DSCAM: variants seen among roughly 807,000 people sequenced by gnomAD.
DSCAM encodes cell adhesion molecule DSCAM.
DSCAM carries 47 observed loss-of-function variants against 217.7 expected under a neutral mutation model. That is an observed-to-expected ratio of 0.22 (90% CI 0.17 to 0.28). The LOEUF is 0.28. DSCAM is among the 10% of genes least tolerant of loss of function. DSCAM has a pLI of 1.00. For missense variants in DSCAM, 2,080 were observed against 2,618.3 expected (o/e 0.79, Z 4.49); for synonymous variants, 1,056 against 1,015.3 (o/e 1.04, Z -0.76).
In DSCAM at chr21:40,016,808, C is replaced by G. The variant is rs540407732; in HGVS notation, c.5687-3422G>C. Among the ~76,000 whole-genome samples, 2 of 152,274 alleles carry G rather than the reference C, an allele frequency of 1.3e-5. No homozygotes were observed. Among genetic ancestry groups the G allele is most frequent in the East Asian group, 3.9e-4 (2 of 5,184 alleles). On this transcript the variant is annotated intron_variant, in intron 32 of 32. Transcript: ENST00000400454. The surrounding 1 kb of genome is among the most constrained non-coding windows in gnomAD (Gnocchi z 4.3). ...AGTTTACCCACAGAAAAAGAACAAC[C>G]AGCATAACAGAAGGAAAGGACTATT... is the stretch of plus-strand genomic sequence containing the variant.
At chr21:40,175,809 G>GCA (rs796339226) in intron 15 of DSCAM, among the ~76,000 whole-genome samples, 22,526 of 80,464 alleles carry the variant, frequency 0.28, 2,298 homozygotes, top group East Asian at 0.43. Context: ...ACACACACAC[G>GCA]CACACACACA....
chr21:40,792,129 T>C (rs752813514), intron 1 of DSCAM, among the ~76,000 whole-genome samples: 266 of 82,032 alleles, frequency 3.2e-3, no homozygotes, highest in Non-Finnish European at 5.8e-3. Flanking sequence ...TAATCTCTTC[T>C]TCTTCTTCTT....
intron 10 of DSCAM, among the ~76,000 whole-genome samples, chr21:40,283,100 G>A (rs919073956): frequency 6.6e-6 from 1 of 152,176 alleles, no homozygotes; most frequent in African/African-American, 2.4e-5. Flanking sequence ...AGTTCCAAGG[G>A]CTAGCATTTG....
chr21:40,787,275 A>G (rs914137396), intron 1 of DSCAM, among the ~76,000 whole-genome samples: 7 of 152,192 alleles, frequency 4.6e-5, no homozygotes, highest in Non-Finnish European at 1.0e-4. Context: ...CCCAGACCTG[A>G]GATATCAATT....
At chr21:40,588,869 A>G (rs1295583343) in intron 3 of DSCAM, among the ~76,000 whole-genome samples, 1 of 152,230 alleles carries the variant, frequency 6.6e-6, no homozygotes, top group African/African-American at 2.4e-5. Context: ...ATTCTCATTG[A>G]AAAGAAAATG....
At chr21:40,707,649 G>T (rs1310196683) in intron 2 of DSCAM, among the ~76,000 whole-genome samples, 4 of 152,136 alleles carry the variant, frequency 2.6e-5, no homozygotes, top group African/African-American at 9.7e-5. Flanking sequence ...CATTCTCTTT[G>T]CCCTGCTATT....
chr21:40,723,646 A>T (rs1242617682), intron 1 of DSCAM, among the ~76,000 whole-genome samples: 1 of 152,232 alleles, frequency 6.6e-6, no homozygotes, highest in Non-Finnish European at 1.5e-5. Flanking sequence ...GTTTAAAAGA[A>T]AAATATTATG....
intron 3 of DSCAM, among the ~76,000 whole-genome samples, chr21:40,628,752 T>C (rs2089640697): frequency 6.7e-6 from 1 of 149,504 alleles, no homozygotes; most frequent in African/African-American, 2.5e-5. Flanking sequence ...TATCTATCTT[T>C]TCTTGTGTTT....
At chr21:40,083,872 C>T in intron 24 of DSCAM, 36 bp downstream of exon 24, 1 of 1,543,932 alleles carries the variant, frequency 6.5e-7, no homozygotes, top group Non-Finnish European at 8.9e-7. Flanking sequence ...GATCACACAA[C>T]TAATCAACTA....
intron 3 of DSCAM, among the ~76,000 whole-genome samples, chr21:40,457,737 T>C (rs1169563649): frequency 6.6e-6 from 1 of 152,206 alleles, no homozygotes; most frequent in Non-Finnish European, 1.5e-5. Flanking sequence ...ACAATGTGAA[T>C]GTGCTACATA....
At chr21:40,192,642 A>AT (rs1170022045) in intron 11 of DSCAM, among the ~76,000 whole-genome samples, 5 of 152,216 alleles carry the variant, frequency 3.3e-5, no homozygotes, top group Admixed American at 1.3e-4. Flanking sequence ...TTTTTAGATC[A>AT]TTTTTTATAA....
intron 20 of DSCAM, among the ~76,000 whole-genome samples, chr21:40,104,139 C>T (rs1331654587): frequency 2.0e-5 from 3 of 152,062 alleles, no homozygotes; most frequent in African/African-American, 7.2e-5. Context: ...TTTTCCTCAT[C>T]CCCTTTTCAT....
intron 3 of DSCAM, among the ~76,000 whole-genome samples, chr21:40,655,250 A>C (rs2090061120): frequency 6.6e-6 from 1 of 152,162 alleles, no homozygotes; most frequent in African/African-American, 2.4e-5. Context: ...AACAAAACAC[A>C]AGAGACCAGG....
chr21:40,620,780 TA>T (rs1244401520), intron 3 of DSCAM, among the ~76,000 whole-genome samples: 1 of 152,188 alleles, frequency 6.6e-6, no homozygotes, highest in African/African-American at 2.4e-5. Context: ...TGTGTTCATA[TA>T]AAAAATCTGT....
chr21:40,492,865 T>C (rs965282935), intron 3 of DSCAM, among the ~76,000 whole-genome samples: 2 of 151,992 alleles, frequency 1.3e-5, no homozygotes, highest in Admixed American at 6.6e-5. Context: ...GGTATAAATA[T>C]ACAGGTACAG....
intron 3 of DSCAM, among the ~76,000 whole-genome samples, chr21:40,504,910 T>C (rs1357964345): frequency 1.3e-5 from 2 of 152,338 alleles, no homozygotes; most frequent in East Asian, 1.9e-4. Context: ...AGATAAGATA[T>C]AGTAAGAGTT....
chr21:40,753,127 G>C (rs1394323737), intron 1 of DSCAM, among the ~76,000 whole-genome samples: 1 of 152,130 alleles, frequency 6.6e-6, no homozygotes, highest in Non-Finnish European at 1.5e-5. Flanking sequence ...CTGTGCTTCT[G>C]GTACCCCAGA....
chr21:40,023,649 G>C (rs944193239), intron 32 of DSCAM, among the ~76,000 whole-genome samples: 4 of 101,990 alleles, frequency 3.9e-5, no homozygotes, highest in Non-Finnish European at 5.9e-5. Flanking sequence ...ATGTGTTTTT[G>C]GCTGCATAAA....
At chr21:40,108,365 A>G (rs184639618) in intron 20 of DSCAM, among the ~76,000 whole-genome samples, 54 of 152,324 alleles carry the variant, frequency 3.5e-4, no homozygotes, top group African/African-American at 1.3e-3. Flanking sequence ...ACAACAGTCA[A>G]GCTGAGAGCC....
Sources: gnomAD v4.1 joint callset for allele counts (sites outside exome capture counted in the v4.1 genomes callset) on GRCh38, gnomAD v4.1.1 for gene constraint, Gnocchi (gnomAD v3.1) non-coding constraint, MANE v1.5 for transcripts, NCBI Gene and HGNC (gene_info 2026-07-23, HGNC 2026-07-21) for gene names.